FYCO1: variants seen among roughly 807,000 people sequenced by gnomAD.
FYCO1 encodes FYVE and coiled-coil domain autophagy adaptor 1, also known as FYVE and coiled-coil domain-containing protein 1.
A neutral mutation model predicts 165.1 loss-of-function variants in FYCO1; 122 were observed. The ratio of observed to expected loss-of-function variants is 0.74; its 90% confidence interval spans 0.64 to 0.86. The LOEUF is 0.86. Among genes scored for constraint, FYCO1 ranks in the 40% least tolerant of loss-of-function variants. The probability of loss-of-function intolerance (pLI) is 0.00; values close to 1 mark genes in which losing one functional copy is unlikely to be tolerated. For missense variants in FYCO1, 1,702 were observed against 1,810.3 expected (o/e 0.94, Z 1.09); for synonymous variants, 648 against 742.5 (o/e 0.87, Z 2.07).
intron 1 of FYCO1, among the ~76,000 whole-genome samples, chr3:45,991,129 C>A (rs1559470763): frequency 6.6e-6 from 1 of 152,184 alleles, no homozygotes; most frequent in Non-Finnish European, 1.5e-5. Flanking sequence ...TTCAATTTTC[C>A]TTTATTGAGC....
intron 11 of FYCO1, among the ~76,000 whole-genome samples, chr3:45,961,062 G>A (rs115124141): frequency 1.8e-3 from 275 of 152,244 alleles, no homozygotes; most frequent in African/African-American, 6.3e-3. Context: ...CCATGGGGAT[G>A]CAATCGGCAA....
chr3:45,984,744 T>C, intron 2 of FYCO1, 112 bp downstream of exon 2: 5 of 1,079,126 alleles, frequency 4.6e-6, no homozygotes, highest in South Asian at 1.3e-5. Flanking sequence ...AGGACTCCAA[T>C]TACTCGTTGT....
intron 16 of FYCO1, among the ~76,000 whole-genome samples, chr3:45,927,979 A>G (rs1359379863): frequency 1.3e-5 from 2 of 152,260 alleles, no homozygotes; most frequent in Non-Finnish European, 2.9e-5. Flanking sequence ...TCTTTAAAAC[A>G]TCTTACTCTG....
intron 16 of FYCO1, among the ~76,000 whole-genome samples, chr3:45,925,432 C>T (rs1703280490): frequency 1.3e-5 from 2 of 152,146 alleles, no homozygotes; most frequent in East Asian, 3.8e-4. Flanking sequence ...TTATTCTTTA[C>T]AAAATAAAAT....
intron 14 of FYCO1, 105 bp from the exon 15 acceptor site, chr3:45,936,648 A>G (rs1442693334): frequency 4.8e-5 from 39 of 805,294 alleles, no homozygotes; most frequent in African/African-American, 1.7e-5. Flanking sequence ...ATCCAGATGC[A>G]TGGGGGATCC....
rs151172299 is a variant in FYCO1, at chr3:45,938,154, C to T, written c.3945-1611G>A. On this transcript the variant is annotated intron_variant, in intron 14 of 17. Transcript: ENST00000296137. Reference sequence around the variant, plus strand: ...ATAATTTCCTCTCTTCCTCCATCACCCTCCTCCCTGACCACAGTGATGACA... The same window carrying T: ...ATAATTTCCTCTCTTCCTCCATCACTCTCCTCCCTGACCACAGTGATGACA... 42 of 1,195,412 alleles carry T rather than the reference C, an allele frequency of 3.5e-5. No individual in the cohort carries two copies. In the East Asian group the frequency reaches 2.3e-3, roughly 66 times the overall value. 74.1% of individuals were successfully genotyped at this position (1,195,412 alleles called of 1,614,324 possible).
At chr3:45,938,871 G>A (rs1330611732) in intron 14 of FYCO1, among the ~76,000 whole-genome samples, 1 of 152,220 alleles carries the variant, frequency 6.6e-6, no homozygotes, top group Non-Finnish European at 1.5e-5. Context: ...ACCATGAGAT[G>A]TTGTAGGAAA....
At chr3:45,927,726 T>C (rs1703391026) in intron 16 of FYCO1, among the ~76,000 whole-genome samples, 1 of 152,258 alleles carries the variant, frequency 6.6e-6, no homozygotes, top group South Asian at 2.1e-4. Context: ...TGGTTCTGTT[T>C]CTGTGATCCA....
chr3:45,976,442 AG>A (rs1706765240), intron 4 of FYCO1, among the ~76,000 whole-genome samples: 1 of 152,248 alleles, frequency 6.6e-6, no homozygotes, highest in African/African-American at 2.4e-5. Flanking sequence ...TATTCCTGAT[AG>A]GTCAGCCCAG....
chr3:45,947,511 G>A (rs1284550448), intron 14 of FYCO1: 1 of 1,609,556 alleles, frequency 6.2e-7, no homozygotes, highest in Non-Finnish European at 8.5e-7. Context: ...CCAGTTATAG[G>A]CCTTGCCAGG....
intron 13 of FYCO1, among the ~76,000 whole-genome samples, chr3:45,956,151 C>T (rs1336318535): frequency 6.6e-6 from 1 of 152,064 alleles, no homozygotes; most frequent in Non-Finnish European, 1.5e-5. Context: ...GCCTGGCCAA[C>T]TTGATGAAAC....
intron 15 of FYCO1, among the ~76,000 whole-genome samples, chr3:45,935,245 C>T (rs1703831274): frequency 1.3e-5 from 2 of 152,238 alleles, no homozygotes. Flanking sequence ...ACTGGTCTCC[C>T]CACTTTGGCT....
Position 45,969,719 on chromosome 3 carries a change from T to TAGGGGGTTTCCAC in FYCO1, c.573_585dup (p.Ser196ValfsTer5). 6.2e-7 allele frequency: 1 copy of TAGGGGGTTTCCAC among 1,614,066 alleles called. No individual in the cohort carries two copies. The highest frequency in any genetic ancestry group is 8.5e-7 in the Non-Finnish European group (1 of 1,180,004). On this transcript the variant is annotated frameshift_variant, in exon 7 of 18. Coordinates refer to ENST00000296137, the MANE Select transcript of FYCO1 (RefSeq NM_024513.4). LOFTEE classifies it high-confidence loss of function. Reference sequence around the variant, plus strand: ...AAGCTGCTCATGCTGGAGCTGCGGCTAGGGGGTTTCCACAGGTAAGCAGAA... The same window carrying TAGGGGGTTTCCAC: ...AAGCTGCTCATGCTGGAGCTGCGGCTAGGGGGTTTCCACAGGGGGTTTCCACAGGTAAGCAGAA...
In FYCO1 at chr3:45,967,257, C is replaced by T; in HGVS notation, c.2077G>A (p.Ala693Thr). 1.9e-6 allele frequency: 3 copies of T among 1,614,128 alleles called. No individual in the cohort carries two copies. Among genetic ancestry groups the T allele is most frequent in the Non-Finnish European group, 2.5e-6 (3 of 1,180,022 alleles). Residue 693 changes from alanine (A) to threonine (T), a missense_variant, in exon 8 of 18, where the codon GCC becomes ACC. Coordinates refer to ENST00000296137, the MANE Select transcript of FYCO1 (RefSeq NM_024513.4). Reference protein sequence around the residue: ...AVRKAKEAMKAQMAEKEAILQ... With the variant: ...AVRKAKEAMKTQMAEKEAILQ... ...ATGGCCTCCTTCTCTGCCATCTGGG[C>T]TTTCATGGCCTCCTTGGCCTTCCTT...
At chr3:45,994,219 A>T (rs79646054) in intron 1 of FYCO1, among the ~76,000 whole-genome samples, 1 of 21,544 alleles carries the variant, frequency 4.6e-5, no homozygotes, top group Non-Finnish European at 2.2e-4. Flanking sequence ...AAGTAACTGC[A>T]AAAAAAAAAA....
chr3:45,931,649 TCCTGAAGATGC>T (rs1361754643), intron 15 of FYCO1, among the ~76,000 whole-genome samples: 1 of 152,224 alleles, frequency 6.6e-6, no homozygotes, highest in Admixed American at 6.5e-5. Flanking sequence ...TTTGCTGCTC[TCCTGAAGATGC>T]CCTGCTGCTC....
rs1575376068 is a variant in FYCO1 at position 45,971,608 on chromosome 3, AACC to A, written c.539+1477_539+1479del. The stretch of plus-strand genomic sequence containing the variant: ...TAAGGTATTCCTGCCAAAAACACTT[AACC>A]TAAATCCAATAATGAGGAAACATCA... On this transcript the variant is annotated intron_variant, in intron 6 of 17. Transcript: ENST00000296137. Among the ~76,000 whole-genome samples, 6 of 152,338 alleles carry A rather than the reference AACC, an allele frequency of 3.9e-5. No homozygotes were observed. In the East Asian group the frequency reaches 1.2e-3, roughly 29 times the overall value.
chr3:45,966,784 C>G lies in FYCO1; in HGVS notation c.2550G>C (p.Glu850Asp). 6.2e-7 allele frequency: 1 copy of G among 1,609,992 alleles called. No individual in the cohort carries two copies. Among genetic ancestry groups the G allele is most frequent in the Non-Finnish European group, 8.5e-7 (1 of 1,180,016 alleles). The part of the protein sequence containing the change: ...AHVQELLQCS[E>D]REGALQEERA... Reference sequence around the variant, plus strand: ...TCTCCTCCTGCAGTGCCCCTTCACGCTCCGAGCATTGCAGCAGCTCCTGGA... The same window carrying G: ...TCTCCTCCTGCAGTGCCCCTTCACGGTCCGAGCATTGCAGCAGCTCCTGGA... The change falls in exon 8 of 18, where the codon GAG (glutamate) becomes GAC (aspartate). Residue 850 changes from glutamate to aspartate, a missense_variant. Physicochemically the swap from Glu to Asp is conservative, Grantham distance 45 (BLOSUM62 2). Transcript: ENST00000296137.
At position 45,923,673 on chromosome 3, in the gene FYCO1, G is replaced by A. The variant is rs202242942; in HGVS notation, c.4344C>T (p.Phe1448=). The A allele has an allele frequency of 1.2e-5, 19 of 1,613,004 alleles. No individual in the cohort carries two copies. Among genetic ancestry groups the A allele is most frequent in the African/African-American group, 5.3e-5 (4 of 74,914 alleles). The change falls in exon 17 of 18, where the codon TTC becomes TTT. Residue 1448 remains phenylalanine, a synonymous_variant. Transcript: ENST00000296137. The part of the protein sequence containing the change: ...VRTPGIYMLI[F]DNTFSRFVSK... ...GGCCCTACCTTGAGAAGGTATTGTCGAAGATGAGCATGTAGATGCCGGGTG... is the reference window on the plus strand; with the variant it reads ...GGCCCTACCTTGAGAAGGTATTGTCAAAGATGAGCATGTAGATGCCGGGTG...
Sources: allele counts gnomAD v4.1 joint callset (sites outside exome capture counted in the v4.1 genomes callset), GRCh38; gene constraint gnomAD v4.1.1; transcripts MANE v1.5; gene names NCBI Gene and HGNC (gene_info 2026-07-23, HGNC 2026-07-21).